The following TM2D3 variants were observed in gnomAD, a reference collection of about 807,000 sequenced individuals.
TM2D3 encodes TM2 domain-containing protein 3.
A neutral mutation model predicts 27.3 loss-of-function variants in TM2D3; 33 were observed. The observed-to-expected ratio is 1.21, with a 90% CI of 0.92 to 1.61. The LOEUF (loss-of-function observed/expected upper bound fraction) is 1.61. TM2D3 is among the 40% of genes most tolerant of loss of function. The pLI, the probability that TM2D3 is intolerant of heterozygous loss-of-function variation, is 0.00. For missense variants in TM2D3, 364 were observed against 320.8 expected, an observed-to-expected ratio of 1.13 and a Z score of -1.03; for synonymous variants, 138 against 122.2, an observed-to-expected ratio of 1.13 and a Z score of -0.85.
intron 3 of TM2D3, 101 bp from the exon 4 acceptor site, chr15:101,647,000 T>C (rs767168946): frequency 1.2e-5 from 16 of 1,305,818 alleles, no homozygotes; most frequent in Non-Finnish European, 1.5e-5. Context: ...CCGTAAATGC[T>C]TGTATTTAGG....
downstream of TM2D3, among the ~76,000 whole-genome samples, chr15:101,639,351 G>A (rs757415321): frequency 9.3e-5 from 14 of 150,128 alleles, no homozygotes; most frequent in South Asian, 4.2e-4. Flanking sequence ...GAGCAGGAGC[G>A]GAGGAATCTG....
At chr15:101,644,101 C>T (rs1436570105) in intron 5 of TM2D3, among the ~76,000 whole-genome samples, 2 of 152,216 alleles carry the variant, frequency 1.3e-5, no homozygotes, top group Non-Finnish European at 2.9e-5. Context: ...CAGCCTCGGC[C>T]TCCCAAAGCG....
At chr15:101,645,225 G>T (rs1896775069) in intron 4 of TM2D3, 63 bp from the exon 5 acceptor site, 2 of 1,345,864 alleles carry the variant, frequency 1.5e-6, no homozygotes, top group South Asian at 1.3e-5. Flanking sequence ...AGACTTAATT[G>T]TAACAAATGG....
In TM2D3 at chr15:101,642,102, C is replaced by A; in HGVS notation, c.*377G>T. ...CAATTAGCTAACAATAAAAACACTC[C>A]CACTTCCTGCAGTCACAGCTGAAAG... On this transcript the variant is annotated 3_prime_UTR_variant, in exon 6 of 6. Transcript: ENST00000333202. The A allele has an allele frequency of 1.0e-6, 1 of 991,258 alleles. No homozygotes were observed. The highest frequency in any genetic ancestry group is 1.2e-6 in the Non-Finnish European group (1 of 833,670). 61.4% of individuals were successfully genotyped at this position (991,258 alleles called of 1,614,324 possible).
At chr15:101,639,538 A>C (rs143226459), downstream of TM2D3, among the ~76,000 whole-genome samples, 34 of 152,294 alleles carry the variant, frequency 2.2e-4, no homozygotes, top group African/African-American at 7.7e-4. Context: ...GTAGCTGATG[A>C]TATATGCCCA....
chr15:101,637,147 T>C (rs1596258742), downstream of TM2D3, among the ~76,000 whole-genome samples: 1 of 152,134 alleles, frequency 6.6e-6, no homozygotes, highest in South Asian at 2.1e-4. Context: ...AGATCATGGG[T>C]AGATTCAAGG....
downstream of TM2D3, among the ~76,000 whole-genome samples, chr15:101,640,870 T>C (rs1896651133): frequency 6.6e-6 from 1 of 152,210 alleles, no homozygotes; most frequent in South Asian, 2.1e-4. Flanking sequence ...TTCTGAATCT[T>C]TGAGCTTTAC....
chr15:101,642,649 G>A lies in TM2D3; in HGVS notation c.579-5C>T, dbSNP rs752357482. On this transcript the variant is annotated splice_region_variant and splice_polypyrimidine_tract_variant and intron_variant, in intron 5 of 5. Coordinates refer to ENST00000333202, the MANE Select transcript of TM2D3 (RefSeq NM_078474.3). Reference sequence around the variant, plus strand: ...CCAAACCCACCGAGGGTGATGCTGCGATGGCAAACAGACAGGATTCCATGA... The same window carrying A: ...CCAAACCCACCGAGGGTGATGCTGCAATGGCAAACAGACAGGATTCCATGA... 5.7e-6 allele frequency: 9 copies of A among 1,590,126 alleles called. No homozygotes were observed. The highest frequency in any genetic ancestry group is 2.3e-5 in the East Asian group (1 of 43,890).
At chr15:101,646,048 C>T (rs1896796973) in intron 4 of TM2D3, 1 of 152,442 alleles carries the variant, frequency 6.6e-6, no homozygotes. Flanking sequence ...GCACCTGTGC[C>T]ATTGGGAGAC....
downstream of TM2D3, among the ~76,000 whole-genome samples, chr15:101,640,810 C>A (rs1896649483): frequency 6.6e-6 from 1 of 152,238 alleles, no homozygotes; most frequent in Non-Finnish European, 1.5e-5. Context: ...TGCCCTTGTG[C>A]AAACTTTTTA....
downstream of TM2D3, among the ~76,000 whole-genome samples, chr15:101,641,106 A>G (rs1376397244): frequency 6.6e-6 from 1 of 152,240 alleles, no homozygotes; most frequent in Non-Finnish European, 1.5e-5. Flanking sequence ...TATAGTTAGC[A>G]AAGGGGCTAC....
chr15:101,640,875 C>G (rs1021211250), downstream of TM2D3, among the ~76,000 whole-genome samples: 2 of 152,184 alleles, frequency 1.3e-5, no homozygotes, highest in Admixed American at 6.5e-5. Flanking sequence ...AATCTTTGAG[C>G]TTTACTCTCA....
intron 2 of TM2D3, 36 bp downstream of exon 2, chr15:101,651,660 C>T: frequency 2.5e-6 from 4 of 1,585,690 alleles, no homozygotes; most frequent in Non-Finnish European, 3.5e-6. Flanking sequence ...CTAGAGATAA[C>T]TACATGTATT....
chr15:101,650,367 T>C (rs1896937750), intron 2 of TM2D3: 2 of 454,044 alleles, frequency 4.4e-6, no homozygotes, highest in Admixed American at 8.1e-5. Context: ...ACCACACTTG[T>C]AAAACATTAC....
intron 4 of TM2D3, chr15:101,636,834 T>C (rs1210257971): frequency 1.1e-5 from 4 of 364,008 alleles, no homozygotes; most frequent in East Asian, 8.9e-5. Context: ...ATACTTGTTA[T>C]TGTGTTTTCT....
At chr15:101,645,345 C>A in intron 4 of TM2D3, 183 bp from the exon 5 acceptor site, 1 of 597,624 alleles carries the variant, frequency 1.7e-6, no homozygotes. Flanking sequence ...TTTAAATCAG[C>A]TAAGTTAGGA....
chr15:101,640,717 T>A (rs1896646894), downstream of TM2D3, among the ~76,000 whole-genome samples: 1 of 152,282 alleles, frequency 6.6e-6, no homozygotes. Context: ...TCCTGCTAGT[T>A]CTGTCTCAGG....
downstream of TM2D3, among the ~76,000 whole-genome samples, chr15:101,641,046 G>T (rs534798024): frequency 1.3e-5 from 2 of 152,280 alleles, no homozygotes; most frequent in East Asian, 3.9e-4. Context: ...GGAAGTATTA[G>T]ATTCTCTTCT....
In TM2D3 at chr15:101,642,743, C is replaced by T. The variant is rs1478798159; in HGVS notation, c.579-99G>A. The T allele has an allele frequency of 5.8e-6, 6 of 1,038,378 alleles. No homozygotes were observed. In the East Asian group the frequency reaches 1.4e-4, roughly 25 times the overall value. 64.3% of individuals were successfully genotyped at this position (1,038,378 alleles called of 1,614,324 possible). A position where few individuals can be genotyped will look rare whatever the true frequency, so the allele number is the denominator to read the frequency against. On this transcript the variant is annotated intron_variant, in intron 5 of 5. Coordinates refer to ENST00000333202, the MANE Select transcript of TM2D3 (RefSeq NM_078474.3). ...ACATTATGTCAGATTTGAGAAAGGG[C>T]TTCCCCTGATCGTAGCCCTTAACTG...
Sources: gnomAD v4.1 joint callset for allele counts (sites outside exome capture counted in the v4.1 genomes callset) on GRCh38, gnomAD v4.1.1 for gene constraint, MANE v1.5 for transcripts, NCBI Gene and HGNC (gene_info 2026-07-23, HGNC 2026-07-21) for gene names.